Variants in NCKAP5 observed in about 807,000 individuals in gnomAD.
NCKAP5 encodes the protein nck-associated protein 5.
Under a neutral mutation model 167.0 loss-of-function variants are expected in NCKAP5, and 92 were observed. That is an observed-to-expected ratio of 0.55 (90% confidence interval 0.47 to 0.66). The LOEUF is 0.66. Among genes scored for constraint, NCKAP5 ranks in the 30% least tolerant of loss-of-function variants. The probability of loss-of-function intolerance (pLI) is 0.00; values close to 1 mark genes in which losing one functional copy is unlikely to be tolerated. For missense variants in NCKAP5, 2,378 were observed against 2,315.0 expected (o/e 1.03, Z -0.56); for synonymous variants, 891 against 877.4 (o/e 1.02, Z -0.27).
intron 3 of NCKAP5, among the ~76,000 whole-genome samples, chr2:133,424,136 T>C (rs1415142716): frequency 6.6e-6 from 1 of 152,160 alleles, no homozygotes; most frequent in Non-Finnish European, 1.5e-5. Context: ...AAGTGATGGA[T>C]TGTTTAAGGT....
intron 6 of NCKAP5, among the ~76,000 whole-genome samples, chr2:133,071,454 AAAAC>A (rs764339973): frequency 1.3e-5 from 2 of 152,172 alleles, no homozygotes; most frequent in African/African-American, 4.8e-5. Context: ...CAAAAAACAA[AAAAC>A]AAACAAACAA....
intron 3 of NCKAP5, among the ~76,000 whole-genome samples, chr2:133,451,443 G>A (rs568745709): frequency 5.3e-5 from 8 of 152,130 alleles, no homozygotes; most frequent in Non-Finnish European, 1.0e-4. Context: ...CTTCATCAGC[G>A]AAAGTCAAGT....
chr2:133,429,919 A>G (rs1253715852), intron 3 of NCKAP5, among the ~76,000 whole-genome samples: 1 of 152,176 alleles, frequency 6.6e-6, no homozygotes, highest in Admixed American at 6.6e-5. Flanking sequence ...CAGGGGCTGA[A>G]CTAATTTGCA....
the NCKAP5 span, among the ~76,000 whole-genome samples, chr2:133,608,689 GA>G: frequency 6.6e-6 from 1 of 152,126 alleles, no homozygotes; most frequent in East Asian, 1.9e-4. Flanking sequence ...TAATAGAGGC[GA>G]GTGTAAAATA....
intron 19 of NCKAP5, among the ~76,000 whole-genome samples, chr2:132,681,347 T>A (rs1685199375): frequency 7.4e-6 from 1 of 134,322 alleles, no homozygotes; most frequent in African/African-American, 3.1e-5. Context: ...CTGATTAGCC[T>A]TTTTTTTTTT....
chr2:133,072,404 C>T (rs1195342711), intron 6 of NCKAP5, among the ~76,000 whole-genome samples: 2 of 152,136 alleles, frequency 1.3e-5, no homozygotes, highest in African/African-American at 4.8e-5. Flanking sequence ...TGCTGTGCCT[C>T]TCCAGACTGG....
chr2:133,193,604 C>G (rs1031317341), intron 5 of NCKAP5, among the ~76,000 whole-genome samples: 4 of 151,988 alleles, frequency 2.6e-5, no homozygotes, highest in Non-Finnish European at 4.4e-5. Context: ...AATATAAACA[C>G]TAGTAGTCGG....
chr2:133,365,665 C>T (rs1365778982), intron 3 of NCKAP5, among the ~76,000 whole-genome samples: 1 of 152,150 alleles, frequency 6.6e-6, no homozygotes, highest in Non-Finnish European at 1.5e-5. Context: ...TTTAAAATTG[C>T]AGTTGAATAC....
chr2:133,639,801 A>G, the NCKAP5 span, among the ~76,000 whole-genome samples: 4 of 152,122 alleles, frequency 2.6e-5, no homozygotes, highest in African/African-American at 9.7e-5. Flanking sequence ...GCACCAAACT[A>G]ATGCTAATAT....
At chr2:133,318,413 A>T (rs1266008258) in intron 3 of NCKAP5, among the ~76,000 whole-genome samples, 1 of 152,230 alleles carries the variant, frequency 6.6e-6, no homozygotes, top group Admixed American at 6.5e-5. Flanking sequence ...AGTTCCACAG[A>T]TATCTTGTGG....
At chr2:133,276,561 A>C (rs2089738412) in intron 4 of NCKAP5, among the ~76,000 whole-genome samples, 1 of 147,906 alleles carries the variant, frequency 6.8e-6, no homozygotes, top group South Asian at 2.1e-4. Context: ...CAACTCTTCT[A>C]GAAAAAAAAA....
chr2:133,163,035 C>T (rs1192883540), intron 5 of NCKAP5, among the ~76,000 whole-genome samples: 1 of 152,114 alleles, frequency 6.6e-6, no homozygotes, highest in East Asian at 1.9e-4. Flanking sequence ...AGTTGCATGT[C>T]AGCAAATGGG....
intron 6 of NCKAP5, among the ~76,000 whole-genome samples, chr2:133,067,540 T>C (rs1252235594): frequency 6.6e-6 from 1 of 152,184 alleles, no homozygotes. Context: ...GAGAGGCTGA[T>C]GTCTGAGGAA....
intron 19 of NCKAP5, among the ~76,000 whole-genome samples, chr2:132,723,977 T>G (rs1267166450): frequency 6.6e-6 from 1 of 152,144 alleles, no homozygotes; most frequent in Non-Finnish European, 1.5e-5. Context: ...TCTGGCCCCT[T>G]CTCATTTGGC....
rs148322048 is a variant in NCKAP5, at chr2:133,256,226, T to G, written c.144-42447A>C. Among the ~76,000 whole-genome samples, 1,348 of 152,250 alleles carry G rather than the reference T, an allele frequency of 8.9e-3. 11 individuals carry two copies. The highest frequency in any genetic ancestry group is 0.013 in the Non-Finnish European group (855 of 68,002). ...TTATATTTATGTGATATATTCTCAC[T>G]TGTTTGACATATTATCATTGAACAA... On this transcript the variant is annotated intron_variant, in intron 4 of 19. Transcript: ENST00000409261.
At chr2:133,525,974 T>C (rs1194687920) in intron 2 of NCKAP5, among the ~76,000 whole-genome samples, 2 of 152,088 alleles carry the variant, frequency 1.3e-5, no homozygotes, top group African/African-American at 2.4e-5. Flanking sequence ...ACAACGTAAC[T>C]CTGGGGATTA....
At chr2:133,495,376 A>T (rs1392244992) in intron 3 of NCKAP5, among the ~76,000 whole-genome samples, 7 of 152,160 alleles carry the variant, frequency 4.6e-5, no homozygotes, top group Non-Finnish European at 8.8e-5. Context: ...CGATTCCAAA[A>T]GGCAATCTTG....
chr2:132,915,537 C>G (rs768565795), intron 8 of NCKAP5: 1 of 152,096 alleles, frequency 6.6e-6, no homozygotes, highest in Non-Finnish European at 1.5e-5. Context: ...ATAAGTAGTT[C>G]TGGAACACTG....
chr2:133,503,552 C>T (rs1682727906), intron 3 of NCKAP5, among the ~76,000 whole-genome samples: 1 of 152,152 alleles, frequency 6.6e-6, no homozygotes, highest in Admixed American at 6.5e-5. Flanking sequence ...AGCCCTGCAG[C>T]AACACACTTA....
Sources: allele counts gnomAD v4.1 joint callset (sites outside exome capture counted in the v4.1 genomes callset), GRCh38; gene constraint gnomAD v4.1.1; transcripts MANE v1.5; gene names NCBI Gene and HGNC (gene_info 2026-07-23, HGNC 2026-07-21).